The following NRXN1 variants were observed in gnomAD, a reference collection of about 807,000 sequenced individuals.
NRXN1 encodes the protein neurexin-1.
Under a neutral mutation model 150.9 loss-of-function variants are expected in NRXN1, and 39 were observed. The ratio of observed to expected loss-of-function variants is 0.26; its 90% CI spans 0.20 to 0.34. NRXN1 has a LOEUF of 0.34. Among genes scored for constraint, NRXN1 ranks in the 10% least tolerant of loss-of-function variants. The probability of loss-of-function intolerance (pLI) is 1.00; values close to 1 mark genes in which losing one functional copy is unlikely to be tolerated. For synonymous variants in NRXN1, 924 were observed against 757.0 expected, an observed-to-expected ratio of 1.22 and a Z score of -3.62; for missense variants, 1,815 against 1,949.9, an observed-to-expected ratio of 0.93 and a Z score of 1.30.
intron 4 of NRXN1, 150 bp downstream of exon 4, chr2:50,922,508 A>G (rs537739541): frequency 3.1e-5 from 25 of 808,430 alleles, no homozygotes; most frequent in African/African-American, 2.6e-4. Flanking sequence ...TGGAAGAAAA[A>G]CACATGAAAA....
chr2:50,320,308 A>ATGTATG (rs2152973437), intron 17 of NRXN1, among the ~76,000 whole-genome samples: 3 of 123,302 alleles, frequency 2.4e-5, no homozygotes, highest in African/African-American at 9.6e-5. Flanking sequence ...ATATATATAT[A>ATGTATG]TATATATATA....
chr2:50,340,659 T>C (rs564165106), intron 17 of NRXN1, among the ~76,000 whole-genome samples: 3 of 152,022 alleles, frequency 2.0e-5, no homozygotes, highest in Non-Finnish European at 2.9e-5. Context: ...GAAATCCTTA[T>C]GATCAAAGGA....
intron 5 of NRXN1, among the ~76,000 whole-genome samples, chr2:50,895,421 A>C (rs1012208117): frequency 6.6e-6 from 1 of 152,106 alleles, no homozygotes; most frequent in Non-Finnish European, 1.5e-5. Flanking sequence ...TTGCTTTACC[A>C]CTTGAGCCTG....
chr2:50,959,184 T>C (rs1224957697), intron 2 of NRXN1, among the ~76,000 whole-genome samples: 6 of 152,086 alleles, frequency 3.9e-5, no homozygotes. Context: ...GCAACCCCTT[T>C]GGAAAGCAGT....
intron 15 of NRXN1, among the ~76,000 whole-genome samples, chr2:50,476,257 G>T (rs1414437787): frequency 6.6e-6 from 1 of 152,064 alleles, no homozygotes; most frequent in Admixed American, 6.6e-5. Flanking sequence ...TCTCAAGAGT[G>T]TTATCTGTGA....
intron 18 of NRXN1, among the ~76,000 whole-genome samples, chr2:50,118,340 G>T (rs1234994461): frequency 6.6e-6 from 1 of 152,078 alleles, no homozygotes; most frequent in East Asian, 1.9e-4. Flanking sequence ...TAAGTAGCAA[G>T]GTTATAATGT....
At chr2:50,584,345 T>C (rs1381236946) in intron 8 of NRXN1, among the ~76,000 whole-genome samples, 1 of 152,222 alleles carries the variant, frequency 6.6e-6, no homozygotes, top group Non-Finnish European at 1.5e-5. Context: ...CCTATATTTC[T>C]AGGTCAGTCT....
At chr2:50,987,867 A>G (rs543711122) in intron 2 of NRXN1, among the ~76,000 whole-genome samples, 1 of 152,082 alleles carries the variant, frequency 6.6e-6, no homozygotes, top group Admixed American at 6.6e-5. Flanking sequence ...GCTGCAGAAA[A>G]GGAACACTAC....
chr2:49,960,303 A>G (rs1441827329), intron 21 of NRXN1, among the ~76,000 whole-genome samples: 1 of 152,214 alleles, frequency 6.6e-6, no homozygotes, highest in East Asian at 1.9e-4. Context: ...GCTTATAGCA[A>G]CCAGAAACCA....
At chr2:50,926,767 A>AT (rs1686953799) in intron 2 of NRXN1, among the ~76,000 whole-genome samples, 2 of 151,902 alleles carry the variant, frequency 1.3e-5, no homozygotes, top group Admixed American at 1.3e-4. Context: ...ATATTTCTAT[A>AT]TATCTATAAA....
At chr2:50,926,075 T>G in intron 2 of NRXN1, 120 bp from the exon 3 acceptor site, 1 of 749,688 alleles carries the variant, frequency 1.3e-6, no homozygotes. Flanking sequence ...ATGCAAGTGC[T>G]CCATCACTAT....
chr2:50,617,371 G>C (rs1192101697), intron 8 of NRXN1, among the ~76,000 whole-genome samples: 3 of 151,804 alleles, frequency 2.0e-5, no homozygotes, highest in South Asian at 2.1e-4. Context: ...AGGAGGTGGA[G>C]GTTGCAGAGA....
At chr2:50,222,326 C>T (rs547125247) in intron 18 of NRXN1, among the ~76,000 whole-genome samples, 79 of 151,994 alleles carry the variant, frequency 5.2e-4, no homozygotes, top group South Asian at 2.3e-3. Flanking sequence ...TATTAAAATG[C>T]GAACACACTC....
chr2:50,866,820 A>C (rs1411598039), intron 5 of NRXN1, among the ~76,000 whole-genome samples: 3 of 151,932 alleles, frequency 2.0e-5, no homozygotes, highest in Non-Finnish European at 4.4e-5. Flanking sequence ...CACTTTCCTT[A>C]AGGAAAAAAC....
intron 17 of NRXN1, among the ~76,000 whole-genome samples, chr2:50,265,983 ATTATTATTATTATTATTTATTTT>A (rs1439649362): frequency 7.5e-5 from 7 of 93,446 alleles, no homozygotes; most frequent in Non-Finnish European, 8.3e-5. Context: ...TATTATTATT[ATTATTATTATTATTATTTATTTT>A]TTTTTTTTTT....
At chr2:50,638,258 C>T (rs976368546) in intron 5 of NRXN1, among the ~76,000 whole-genome samples, 10 of 152,054 alleles carry the variant, frequency 6.6e-5, no homozygotes, top group Non-Finnish European at 1.3e-4. Flanking sequence ...GGATCTCTTG[C>T]TAACATATTA....
intron 22 of NRXN1, among the ~76,000 whole-genome samples, chr2:49,934,154 C>A (rs1334500820): frequency 6.6e-6 from 1 of 152,084 alleles, no homozygotes; most frequent in Non-Finnish European, 1.5e-5. Context: ...TAAAATCAAT[C>A]ATCTAAGACT....
chr2:50,476,788 A>G (rs995368745), intron 15 of NRXN1, among the ~76,000 whole-genome samples: 7 of 152,146 alleles, frequency 4.6e-5, no homozygotes, highest in African/African-American at 1.7e-4. Flanking sequence ...TAGCTCACAG[A>G]GCTCCTTTGA....
chr2:50,346,820 G>A lies in NRXN1; in HGVS notation c.3365-109850C>T, dbSNP rs2078019683. On this transcript the variant is annotated intron_variant, in intron 17 of 22. Coordinates refer to ENST00000401669, the MANE Select transcript of NRXN1 (RefSeq NM_001330078.2). This position sits in a 1 kb window ranked among gnomAD's most constrained non-coding sequence, Gnocchi z 5.0. ...GATGCCCCCCACGCCACTCCTAGGA[G>A]GCCGCTGAGGGTGAGCGGGACTATC... The A allele has an allele frequency of 1.2e-6, 2 of 1,612,618 alleles. No homozygotes were observed. Among genetic ancestry groups the A allele is most frequent in the Non-Finnish European group, 1.7e-6 (2 of 1,179,696 alleles).
Sources: allele counts gnomAD v4.1 joint callset (sites outside exome capture counted in the v4.1 genomes callset), GRCh38; gene constraint gnomAD v4.1.1; non-coding constraint Gnocchi (gnomAD v3.1); transcripts MANE v1.5; gene names NCBI Gene and HGNC (gene_info 2026-07-23, HGNC 2026-07-21).